Variants in SACM1L observed in about 807,000 individuals in gnomAD.
SACM1L encodes the protein SAC1 like phosphatidylinositide phosphatase.
SACM1L carries 32 observed loss-of-function variants against 89.5 expected under a neutral mutation model. That is an observed-to-expected ratio of 0.36 (90% CI 0.27 to 0.48). The LOEUF (loss-of-function observed/expected upper bound fraction) is 0.48. Among genes scored for constraint, SACM1L ranks in the 20% least tolerant of loss-of-function variants. SACM1L has a pLI of 0.99. For synonymous variants in SACM1L, 213 were observed against 232.8 expected (o/e 0.92, Z 0.77); for missense variants, 543 against 708.5 (o/e 0.77, Z 2.65).
At chr3:45,726,869 C>CTTTTTTTT (rs1158423503) in intron 11 of SACM1L, among the ~76,000 whole-genome samples, 50 of 52,346 alleles carry the variant, frequency 9.6e-4, no homozygotes, top group Non-Finnish European at 1.3e-3. Flanking sequence ...TGCTTTATTT[C>CTTTTTTTT]TTTTTTTTTT....
Position 45,690,633 on chromosome 3 carries a change from GA to G in SACM1L, c.32+1137del, listed in dbSNP as rs551846134. On this transcript the variant is annotated intron_variant, in intron 1 of 19. Transcript: ENST00000389061. Reference sequence around the variant, plus strand: ...ACATTGTATGTGTTGCAAAAAAGATGATTGCTTTTTCTACAGTGCACCCCCT... The same window carrying G: ...ACATTGTATGTGTTGCAAAAAAGATGTTGCTTTTTCTACAGTGCACCCCCT... 1.4e-3 allele frequency among the ~76,000 whole-genome samples: 220 copies of G among 152,334 alleles called. 1 individual carries two copies. Among genetic ancestry groups the G allele is most frequent in the African/African-American group, 5.1e-3 (211 of 41,570 alleles).
At chr3:45,733,894 G>A (rs190368880) in intron 13 of SACM1L, among the ~76,000 whole-genome samples, 1 of 152,248 alleles carries the variant, frequency 6.6e-6, no homozygotes, top group Admixed American at 6.5e-5. Context: ...TTTGCTTCCT[G>A]CATCCATATT....
At chr3:45,702,422 T>G (rs1377296416) in intron 1 of SACM1L, among the ~76,000 whole-genome samples, 1 of 152,166 alleles carries the variant, frequency 6.6e-6, no homozygotes, top group Non-Finnish European at 1.5e-5. Context: ...CAGATAGAAA[T>G]TCTTTTAAGT....
intron 12 of SACM1L, 140 bp from the exon 13 acceptor site, chr3:45,731,913 C>T: frequency 1.8e-6 from 1 of 561,844 alleles, no homozygotes; most frequent in South Asian, 2.5e-5. Context: ...AGTGATAAAC[C>T]CAGAGTGAAG....
chr3:45,689,786 C>T, intron 1 of SACM1L: 2 of 567,832 alleles, frequency 3.5e-6, no homozygotes, highest in Non-Finnish European at 6.3e-6. Context: ...CGTTATGATG[C>T]GGCCCTTCAG....
At chr3:45,705,610 C>G (rs1026706689) in intron 3 of SACM1L, among the ~76,000 whole-genome samples, 3 of 145,270 alleles carry the variant, frequency 2.1e-5, no homozygotes, top group African/African-American at 5.2e-5. Flanking sequence ...TCAAGTGATT[C>G]TCCTGCCTCA....
chr3:45,720,629 T>C (rs1698767625), intron 8 of SACM1L, among the ~76,000 whole-genome samples: 1 of 152,184 alleles, frequency 6.6e-6, no homozygotes, highest in Admixed American at 6.5e-5. Flanking sequence ...GATCTTTCTT[T>C]CATACACACA....
At chr3:45,694,814 T>C (rs758892808) in intron 1 of SACM1L, among the ~76,000 whole-genome samples, 5 of 152,152 alleles carry the variant, frequency 3.3e-5, no homozygotes, top group African/African-American at 9.7e-5. Context: ...TTGGAAGATA[T>C]GGGGCTCTGG....
chr3:45,692,023 C>T (rs896383530), intron 1 of SACM1L, among the ~76,000 whole-genome samples: 1 of 152,162 alleles, frequency 6.6e-6, no homozygotes, highest in East Asian at 1.9e-4. Context: ...AGAGCCTTTT[C>T]CCCACTTCTG....
intron 19 of SACM1L, chr3:45,742,746 A>G (rs1470907223): frequency 6.6e-6 from 1 of 152,420 alleles, no homozygotes; most frequent in Non-Finnish European, 1.5e-5. Flanking sequence ...ACTTGAGCCC[A>G]GGAGTTCTGG....
chr3:45,699,399 C>T (rs1249512690), intron 1 of SACM1L, among the ~76,000 whole-genome samples: 1 of 151,032 alleles, frequency 6.6e-6, no homozygotes, highest in Non-Finnish European at 1.5e-5. Context: ...CAAATGAAGC[C>T]TCATGGTGTA....
In SACM1L at chr3:45,737,819, G is replaced by A; in HGVS notation, c.1357G>A (p.Gly453Ser). The A allele has an allele frequency of 6.2e-7, 1 of 1,614,090 alleles. No homozygotes were observed. Reference sequence around the variant, plus strand: ...TTGTGCCAAGCAATATGCGGGAACTGGTGCCTTGAAGACTGACTTTACCAG... The same window carrying A: ...TTGTGCCAAGCAATATGCGGGAACTAGTGCCTTGAAGACTGACTTTACCAG... ...NACAKQYAGT[G>S]ALKTDFTRTG... The change falls in exon 16 of 20, where the codon GGT becomes AGT. Residue 453 changes from glycine (G) to serine (S), a missense_variant. Gly to Ser is a moderately conservative substitution (Grantham distance 56). Transcript: ENST00000389061.
intron 4 of SACM1L, among the ~76,000 whole-genome samples, chr3:45,708,860 A>G (rs1698457949): frequency 2.0e-5 from 3 of 152,232 alleles, no homozygotes; most frequent in Admixed American, 6.5e-5. Context: ...TTTTAAAACA[A>G]GGATAAAAAC....
intron 11 of SACM1L, among the ~76,000 whole-genome samples, chr3:45,726,874 T>TGTA (rs1559548033): frequency 2.8e-4 from 5 of 17,738 alleles, no homozygotes; most frequent in Admixed American, 8.8e-4. Flanking sequence ...TATTTCTTTT[T>TGTA]TTTTTTTTTT....
At chr3:45,714,944 A>G (rs1022422619) in intron 7 of SACM1L, among the ~76,000 whole-genome samples, 8 of 152,244 alleles carry the variant, frequency 5.3e-5, no homozygotes, top group African/African-American at 1.9e-4. Context: ...ATAAGATTAT[A>G]ATACCATATT....
intron 1 of SACM1L, among the ~76,000 whole-genome samples, chr3:45,700,035 TAC>T (rs752461337): frequency 1.0e-3 from 157 of 152,296 alleles, no homozygotes; most frequent in Non-Finnish European, 1.7e-3. Flanking sequence ...TTAAAGGTCT[TAC>T]AGGTGAGGAG....
Position 45,736,277 on chromosome 3 carries a change from A to G in SACM1L, c.1239+904A>G, listed in dbSNP as rs138573255. On this transcript the variant is annotated intron_variant, in intron 14 of 19. Coordinates refer to ENST00000389061, the MANE Select transcript of SACM1L (RefSeq NM_014016.5). ...TTGACTCCAAAGTAAAAAGTTTCTG[A>G]CACAGCTTTGCTTTACCACTAGACT... 1.2e-4 allele frequency among the ~76,000 whole-genome samples: 19 copies of G among 152,294 alleles called. No individual in the cohort carries two copies. In the East Asian group the frequency reaches 3.7e-3, roughly 29 times the overall value.
Position 45,719,497 on chromosome 3 carries a change from A to G in SACM1L, c.578-3A>G, listed in dbSNP as rs1253330356. 1 of 1,524,902 alleles carries G rather than the reference A, an allele frequency of 6.6e-7. No individual in the cohort carries two copies. The highest frequency in any genetic ancestry group is 9.0e-7 in the Non-Finnish European group (1 of 1,108,978). The allele number at this position is 1,524,902 out of a possible 1,614,324, so 94.5% of individuals were successfully genotyped here. On this transcript the variant is annotated splice_polypyrimidine_tract_variant and splice_region_variant and intron_variant, in intron 7 of 19. Transcript: ENST00000389061. The stretch of plus-strand genomic sequence containing the variant: ...ATGTTATATTTTTCTTAATGTGGTT[A>G]AGTTATTACCATGCATTCATGTTCT...
intron 11 of SACM1L, among the ~76,000 whole-genome samples, chr3:45,726,918 A>G (rs865878116): frequency 0.16 from 2,862 of 17,882 alleles, 873 homozygotes; most frequent in African/African-American, 0.48. Flanking sequence ...TCGCTCTGTC[A>G]CCCAGGCCGG....
Sources: allele counts gnomAD v4.1 joint callset (sites outside exome capture counted in the v4.1 genomes callset), GRCh38; gene constraint gnomAD v4.1.1; transcripts MANE v1.5; gene names NCBI Gene and HGNC (gene_info 2026-07-23, HGNC 2026-07-21).